Variants in BHLHA15 observed in about 807,000 individuals in gnomAD.
BHLHA15 encodes the protein basic helix-loop-helix family member a15.
A neutral mutation model predicts 10.4 loss-of-function variants in BHLHA15; 7 were observed. That is an observed-to-expected ratio of 0.67 (90% CI 0.38 to 1.26). The LOEUF (loss-of-function observed/expected upper bound fraction) is 1.26. Ranked by LOEUF, BHLHA15 falls within the 50% of genes most tolerant of loss-of-function variation. The pLI, the probability that BHLHA15 is intolerant of heterozygous loss-of-function variation, is 0.02. For synonymous variants in BHLHA15, 140 were observed against 131.5 expected, an observed-to-expected ratio of 1.06 and a Z score of -0.44; for missense variants, 289 against 287.4, an observed-to-expected ratio of 1.01 and a Z score of -0.04.
rs1430730983 is a variant in BHLHA15 at position 98,212,390 on chromosome 7, C to T, written c.81C>T (p.Asp27=). 3 of 1,461,492 alleles carry T rather than the reference C, an allele frequency of 2.1e-6. No homozygotes were observed. Among genetic ancestry groups the T allele is most frequent in the Non-Finnish European group, 2.7e-6 (3 of 1,108,334 alleles). 90.5% of individuals were successfully genotyped at this position (1,461,492 alleles called of 1,614,324 possible). Reference sequence around the variant, plus strand: ...CCACCCCCGGGGAGGGGACGCCCGACGGGTCCCTGCCGAACCCGGGGCCAG... The same window carrying T: ...CCACCCCCGGGGAGGGGACGCCCGATGGGTCCCTGCCGAACCCGGGGCCAG... The part of the protein sequence containing the change: ...TEATPGEGTP[D]GSLPNPGPEP... The change falls in exon 2 of 2, where the codon GAC becomes GAT. Residue 27 remains aspartate, a synonymous_variant. Coordinates refer to ENST00000609256, the MANE Select transcript of BHLHA15 (RefSeq NM_177455.4).
intron 1 of BHLHA15, among the ~76,000 whole-genome samples, chr7:98,212,045 G>C (rs1217831919): frequency 6.6e-6 from 1 of 152,160 alleles, no homozygotes; most frequent in Non-Finnish European, 1.5e-5. Context: ...ACAGATTCCA[G>C]AGGTCTGTTT....
rs761284726 is a variant in BHLHA15 at position 98,212,692 on chromosome 7, C to T, written c.383C>T (p.Thr128Met). 1.3e-5 allele frequency: 21 copies of T among 1,570,952 alleles called. No individual in the cohort carries two copies. Among genetic ancestry groups the T allele is most frequent in the South Asian group, 3.5e-5 (3 of 85,528 alleles). ...TLAKNYIKSL[T>M]ATILTMSSSR... ...GCCAAGAACTACATCAAATCGCTGA[C>T]GGCCACCATCCTGACCATGTCCAGC... The change falls in exon 2 of 2, where the codon ACG becomes ATG. Residue 128 changes from threonine to methionine, a missense_variant. Transcript: ENST00000609256.
rs1300521207 is a variant in BHLHA15 at position 98,213,749 on chromosome 7, C to G, written c.*870C>G. ...CTGTGTGGGGAGCGAGTGTGCCCCCCACCCAGCCCCTGCCACCGCCGTTAC... is the reference window on the plus strand; with the variant it reads ...CTGTGTGGGGAGCGAGTGTGCCCCCGACCCAGCCCCTGCCACCGCCGTTAC... On this transcript the variant is annotated 3_prime_UTR_variant, in exon 2 of 2. Transcript: ENST00000609256. Among the ~76,000 whole-genome samples the G allele has an allele frequency of 6.6e-6, 1 of 152,206 alleles. No homozygotes were observed. Among genetic ancestry groups the G allele is most frequent in the Non-Finnish European group, 1.5e-5 (1 of 68,034 alleles).
rs1415193152 is a variant in BHLHA15, at chr7:98,213,008, A to G, written c.*129A>G. 3.4e-6 allele frequency: 3 copies of G among 884,424 alleles called. No individual in the cohort carries two copies. Among genetic ancestry groups the G allele is most frequent in the Non-Finnish European group, 4.9e-6 (3 of 612,506 alleles). 54.8% of individuals were successfully genotyped at this position (884,424 alleles called of 1,614,324 possible). A position where few individuals can be genotyped will look rare whatever the true frequency, so the allele number is the denominator to read the frequency against. On this transcript the variant is annotated 3_prime_UTR_variant, in exon 2 of 2. Transcript: ENST00000609256. ...ACAAGGACACGGCCTCAGCGGTTCC[A>G]TTTTCCCCCGAACATTCAGCCACTT...
chr7:98,212,956 C>T lies in BHLHA15; in HGVS notation c.*77C>T, dbSNP rs923207198. 36 of 1,370,214 alleles carry T rather than the reference C, an allele frequency of 2.6e-5. No homozygotes were observed. The Admixed American group carries it at 4.7e-4, about 18-fold the overall frequency. The allele number at this position is 1,370,214 out of a possible 1,614,324, so 84.9% of individuals were successfully genotyped here. A position where few individuals can be genotyped will look rare whatever the true frequency, so the allele number is the denominator to read the frequency against. On this transcript the variant is annotated 3_prime_UTR_variant, in exon 2 of 2. Coordinates refer to ENST00000609256, the MANE Select transcript of BHLHA15 (RefSeq NM_177455.4). ...TCCCAGCCCCAGTCCCTCCAAGCCA[C>T]GAGCCCCAGATGGGCGGTGACACCC...
In BHLHA15 at chr7:98,214,309, A is replaced by G. The variant is rs1207169012; in HGVS notation, c.*1430A>G. Among the ~76,000 whole-genome samples the G allele has an allele frequency of 6.6e-6, 1 of 152,198 alleles. No individual in the cohort carries two copies. The highest frequency in any genetic ancestry group is 1.5e-5 in the Non-Finnish European group (1 of 68,042). Reference sequence around the variant, plus strand: ...GGGCCCCTTAAGGTGGCCCGGGCACATTGGTTTCATTTCGATGAGACTTTG... The same window carrying G: ...GGGCCCCTTAAGGTGGCCCGGGCACGTTGGTTTCATTTCGATGAGACTTTG... On this transcript the variant is annotated 3_prime_UTR_variant, in exon 2 of 2. Transcript: ENST00000609256.
In BHLHA15 at chr7:98,213,024, T is replaced by A. The variant is rs889385037; in HGVS notation, c.*145T>A. ...AGCGGTTCCATTTTCCCCCGAACAT[T>A]CAGCCACTTCCCTGGAGCAATTTTT... On this transcript the variant is annotated 3_prime_UTR_variant, in exon 2 of 2. Coordinates refer to ENST00000609256, the MANE Select transcript of BHLHA15 (RefSeq NM_177455.4). 5 of 783,234 alleles carry A rather than the reference T, an allele frequency of 6.4e-6. No homozygotes were observed. Among genetic ancestry groups the A allele is most frequent in the Non-Finnish European group, 9.5e-6 (5 of 523,926 alleles). The allele number at this position is 783,234 out of a possible 1,614,324, so 48.5% of individuals were successfully genotyped here. A position where few individuals can be genotyped will look rare whatever the true frequency, so the allele number is the denominator to read the frequency against.
chr7:98,212,294 C>A lies in BHLHA15; in HGVS notation c.-16C>A. ...ACCTTCCTGCCGCCACCTCCTAGGACAGCCAGTCCAGGGCCATGAAGACCA... is the reference window on the plus strand; with the variant it reads ...ACCTTCCTGCCGCCACCTCCTAGGAAAGCCAGTCCAGGGCCATGAAGACCA... On this transcript the variant is annotated 5_prime_UTR_variant, in exon 2 of 2. Transcript: ENST00000609256. 7.5e-7 allele frequency: 1 copy of A among 1,339,024 alleles called. No individual in the cohort carries two copies. The highest frequency in any genetic ancestry group is 9.6e-7 in the Non-Finnish European group (1 of 1,042,364). 82.9% of individuals were successfully genotyped at this position (1,339,024 alleles called of 1,614,324 possible).
rs1193002484 is a variant in BHLHA15, at chr7:98,212,308, C to A, written c.-2C>A. 2.2e-6 allele frequency: 3 copies of A among 1,361,598 alleles called. No homozygotes were observed. Among genetic ancestry groups the A allele is most frequent in the African/African-American group, 1.5e-5 (1 of 65,716 alleles). 84.3% of individuals were successfully genotyped at this position (1,361,598 alleles called of 1,614,324 possible). A position where few individuals can be genotyped will look rare whatever the true frequency, so the allele number is the denominator to read the frequency against. The stretch of plus-strand genomic sequence containing the variant: ...ACCTCCTAGGACAGCCAGTCCAGGG[C>A]CATGAAGACCAAGAACCGGCCCCCA... On this transcript the variant is annotated 5_prime_UTR_variant, in exon 2 of 2. Coordinates refer to ENST00000609256, the MANE Select transcript of BHLHA15 (RefSeq NM_177455.4).
At chr7:98,212,159 T>C (rs1281444504) in intron 1 of BHLHA15, 97 bp from the exon 2 acceptor site, 4 of 652,266 alleles carry the variant, frequency 6.1e-6, no homozygotes, top group Non-Finnish European at 6.9e-6. Context: ...CCTGGTACCA[T>C]TGCTGTCAGC....
chr7:98,215,265 C>T lies in BHLHA15; in HGVS notation c.*2386C>T, dbSNP rs1237047921. ...CCCACCAGTGGAGAAGCCAGAACCGCGATTGTTGCATCTGGGAAAACCCAG... is the reference window on the plus strand; with the variant it reads ...CCCACCAGTGGAGAAGCCAGAACCGTGATTGTTGCATCTGGGAAAACCCAG... On this transcript the variant is annotated 3_prime_UTR_variant, in exon 2 of 2. Transcript: ENST00000609256. 2.0e-5 allele frequency: 3 copies of T among 152,252 alleles called. No individual in the cohort carries two copies. The highest frequency in any genetic ancestry group is 3.8e-4 in the East Asian group (2 of 5,200). 9.4% of individuals were successfully genotyped at this position (152,252 alleles called of 1,614,324 possible).
In BHLHA15 at chr7:98,213,255, G is replaced by T. The variant is rs896759527; in HGVS notation, c.*376G>T. On this transcript the variant is annotated 3_prime_UTR_variant, in exon 2 of 2. Coordinates refer to ENST00000609256, the MANE Select transcript of BHLHA15 (RefSeq NM_177455.4). The stretch of plus-strand genomic sequence containing the variant: ...TGGGCAAGGGGAGATCCCAGGAAAA[G>T]GTTTACCTGCAGGTTTTCCAAGGCC... 1.8e-4 allele frequency among the ~76,000 whole-genome samples: 28 copies of T among 152,182 alleles called. No homozygotes were observed. Among genetic ancestry groups the T allele is most frequent in the African/African-American group, 6.8e-4 (28 of 41,450 alleles).
In BHLHA15 at chr7:98,214,372, C is replaced by A. The variant is rs1360093947; in HGVS notation, c.*1493C>A. Among the ~76,000 whole-genome samples, 1 of 152,218 alleles carries A rather than the reference C, an allele frequency of 6.6e-6. No homozygotes were observed. Among genetic ancestry groups the A allele is most frequent in the Non-Finnish European group, 1.5e-5 (1 of 68,044 alleles). The stretch of plus-strand genomic sequence containing the variant: ...TCTGGTCCTGGCCCTACCGCCCCAG[C>A]TGTCCTTCAGCACAGCTCGGGGTGG... On this transcript the variant is annotated 3_prime_UTR_variant, in exon 2 of 2. Transcript: ENST00000609256.
rs1281053946 is a variant in BHLHA15 at position 98,213,826 on chromosome 7, G to T, written c.*947G>T. On this transcript the variant is annotated 3_prime_UTR_variant, in exon 2 of 2. Transcript: ENST00000609256. ...TATAATTGGCACCATGCTGTCTGTA[G>T]GACATTATGACGTGCTTGGGTTCTG... Among the ~76,000 whole-genome samples the T allele has an allele frequency of 6.6e-6, 1 of 152,246 alleles. No individual in the cohort carries two copies. The highest frequency in any genetic ancestry group is 6.5e-5 in the Admixed American group (1 of 15,290).
Position 98,213,686 on chromosome 7 carries a change from C to T in BHLHA15, c.*807C>T, listed in dbSNP as rs1479506304. Among the ~76,000 whole-genome samples, 1 of 152,202 alleles carries T rather than the reference C, an allele frequency of 6.6e-6. No homozygotes were observed. Among genetic ancestry groups the T allele is most frequent in the Non-Finnish European group, 1.5e-5 (1 of 68,018 alleles). On this transcript the variant is annotated 3_prime_UTR_variant, in exon 2 of 2. Transcript: ENST00000609256. ...GAAGCCCCAAGGCCCTGGGTTGCTC[C>T]CCAAGAGCAGCTCTGAGGCCTCCTG...
Position 98,213,921 on chromosome 7 carries a change from C to T in BHLHA15, c.*1042C>T, listed in dbSNP as rs1797946569. ...TGGGGTGGCAGGTACGTCCCTTCCC[C>T]CGCCCAGGTGCTTCATCCTCATGGC... On this transcript the variant is annotated 3_prime_UTR_variant, in exon 2 of 2. Transcript: ENST00000609256. Among the ~76,000 whole-genome samples the T allele has an allele frequency of 6.6e-6, 1 of 152,132 alleles. No individual in the cohort carries two copies. Among genetic ancestry groups the T allele is most frequent in the Non-Finnish European group, 1.5e-5 (1 of 68,022 alleles).
Position 98,214,162 on chromosome 7 carries a change from GGTGGCCCTGCCCTCCCCAA to G in BHLHA15, c.*1286_*1304del, listed in dbSNP as rs1797949995. ...GGCTCTGGCTGGCCCGTCCCCACCAGGTGGCCCTGCCCTCCCCAAGTTGGGGGTTGTGGCACTTGGGGTC... is the reference window on the plus strand; with the variant it reads ...GGCTCTGGCTGGCCCGTCCCCACCAGGTTGGGGGTTGTGGCACTTGGGGTC... On this transcript the variant is annotated 3_prime_UTR_variant, in exon 2 of 2. Coordinates refer to ENST00000609256, the MANE Select transcript of BHLHA15 (RefSeq NM_177455.4). 6.8e-6 allele frequency among the ~76,000 whole-genome samples: 1 copy of G among 146,960 alleles called. No individual in the cohort carries two copies.
chr7:98,211,573 G>C (rs1196755118), intron 1 of BHLHA15, 75 bp downstream of exon 1: 1 of 136,316 alleles, frequency 7.3e-6, no homozygotes, highest in African/African-American at 2.6e-5. Context: ...GTGGGGTTGT[G>C]GGGGTTGTGG....
intron 1 of BHLHA15, 150 bp downstream of exon 1, chr7:98,211,648 C>T (rs117355457): frequency 0.012 from 1,846 of 152,894 alleles, 17 homozygotes; most frequent in Admixed American, 0.02. Flanking sequence ...GGCCCATCCA[C>T]GTGGTGGGAT....
Sources: gnomAD v4.1 joint callset for allele counts (sites outside exome capture counted in the v4.1 genomes callset) on GRCh38, gnomAD v4.1.1 for gene constraint, MANE v1.5 for transcripts, NCBI Gene and HGNC (gene_info 2026-07-23, HGNC 2026-07-21) for gene names.